Variants in ADAM17 observed in about 807,000 individuals in gnomAD.
ADAM17 encodes the protein disintegrin and metalloproteinase domain-containing protein 17.
ADAM17 carries 39 observed loss-of-function variants against 96.7 expected under a neutral mutation model. The observed-to-expected ratio is 0.40, with a 90% confidence interval of 0.31 to 0.53. The LOEUF is 0.53. Among genes scored for constraint, ADAM17 ranks in the 20% least tolerant of loss-of-function variants. The probability of loss-of-function intolerance (pLI) is 0.44; values close to 1 mark genes in which losing one functional copy is unlikely to be tolerated. For missense variants in ADAM17, 777 were observed against 1,013.2 expected, an observed-to-expected ratio of 0.77 and a Z score of 3.17; for synonymous variants, 344 against 359.2, an observed-to-expected ratio of 0.96 and a Z score of 0.48.
chr2:9,543,990 C>G (rs536796207), intron 1 of ADAM17, among the ~76,000 whole-genome samples: 1 of 152,276 alleles, frequency 6.6e-6, no homozygotes, highest in South Asian at 2.1e-4. Flanking sequence ...ATATTATACA[C>G]AGGTATCAAA....
intron 4 of ADAM17, among the ~76,000 whole-genome samples, chr2:9,532,290 C>T (rs998027766): frequency 6.6e-6 from 1 of 151,884 alleles, no homozygotes; most frequent in African/African-American, 2.4e-5. Context: ...TAGGGTGGTA[C>T]ATCTCATATG....
At chr2:9,524,468 C>T (rs1016083352) in intron 6 of ADAM17, among the ~76,000 whole-genome samples, 3 of 151,834 alleles carry the variant, frequency 2.0e-5, no homozygotes, top group African/African-American at 4.8e-5. Flanking sequence ...CCGGCCTGGG[C>T]GACAGAGCCT....
chr2:9,534,391 C>T (rs1450186026), intron 4 of ADAM17, among the ~76,000 whole-genome samples: 3 of 151,298 alleles, frequency 2.0e-5, no homozygotes, highest in Non-Finnish European at 2.9e-5. Context: ...AAAAATTAGC[C>T]GGACATCATG....
chr2:9,550,522 T>A (rs1665555781), intron 1 of ADAM17, among the ~76,000 whole-genome samples: 1 of 143,224 alleles, frequency 7.0e-6, no homozygotes, highest in Admixed American at 7.4e-5. Context: ...CTTGGCACAC[T>A]GCAACCTCTG....
intron 16 of ADAM17, 130 bp from the exon 17 acceptor site, chr2:9,493,116 G>A (rs1662295724): frequency 4.3e-6 from 3 of 705,840 alleles, no homozygotes; most frequent in Admixed American, 3.1e-5. Flanking sequence ...AGAGCAGAAT[G>A]TCTGTGCTGC....
chr2:9,512,144 T>C (rs1663778345), intron 10 of ADAM17, among the ~76,000 whole-genome samples: 1 of 151,922 alleles, frequency 6.6e-6, no homozygotes, highest in Non-Finnish European at 1.5e-5. Flanking sequence ...AAAACCGTAG[T>C]GGGAAAAAAA....
intron 1 of ADAM17, among the ~76,000 whole-genome samples, chr2:9,554,611 C>T (rs1182912778): frequency 3.3e-5 from 5 of 152,168 alleles, no homozygotes; most frequent in African/African-American, 9.7e-5. Flanking sequence ...ACTGGGAAAA[C>T]ATTATTTCAC....
rs754147588 is a variant in ADAM17, at chr2:9,517,949, A to G, written c.1143T>C (p.Asn381=). ...SPVGKKNIYL[N]SGLTSTKNYG... The stretch of plus-strand genomic sequence containing the variant: ...AATTCTTTGTGCTCGTCAAACCACT[A>G]TTCAAATAGATATTTTTCTTCCCAA... Residue 381 remains asparagine, a synonymous_variant, in exon 10 of 19, where the codon AAT becomes AAC. Coordinates refer to ENST00000310823, the MANE Select transcript of ADAM17 (RefSeq NM_003183.6). 6 of 1,604,814 alleles carry G rather than the reference A, an allele frequency of 3.7e-6. No individual in the cohort carries two copies. Among genetic ancestry groups the G allele is most frequent in the Admixed American group, 1.7e-5 (1 of 57,798 alleles).
intron 4 of ADAM17, 77 bp from the exon 5 acceptor site, chr2:9,528,031 G>T: frequency 2.0e-6 from 2 of 1,021,586 alleles, no homozygotes; most frequent in Non-Finnish European, 2.6e-6. Context: ...AACATTCTTT[G>T]CTTGTTCTTA....
chr2:9,538,016 A>AGGGAAGGGGAGGG (rs1553366532), intron 2 of ADAM17, among the ~76,000 whole-genome samples: 2 of 31,850 alleles, frequency 6.3e-5, no homozygotes, highest in African/African-American at 2.7e-4. Context: ...GGAGGGGAGG[A>AGGGAAGGGGAGGG]GAGGGGAGGG....
At chr2:9,529,835 G>A (rs890007924) in intron 4 of ADAM17, among the ~76,000 whole-genome samples, 2 of 151,992 alleles carry the variant, frequency 1.3e-5, no homozygotes, top group Non-Finnish European at 2.9e-5. Flanking sequence ...GCCGGGCATG[G>A]TGGTGGGCGC....
At chr2:9,491,709 C>T (rs1438111955) in intron 17 of ADAM17, among the ~76,000 whole-genome samples, 1 of 152,220 alleles carries the variant, frequency 6.6e-6, no homozygotes, top group East Asian at 1.9e-4. Context: ...TGCCCCATCC[C>T]TGCCTGTGGC....
chr2:9,514,545 AT>A (rs2125014217), intron 10 of ADAM17, among the ~76,000 whole-genome samples: 1 of 94,356 alleles, frequency 1.1e-5, no homozygotes, highest in African/African-American at 3.3e-5. Flanking sequence ...ATATATATAT[AT>A]ATATATATAT....
chr2:9,510,033 T>C lies in ADAM17; in HGVS notation c.1290A>G (p.Gly430=), dbSNP rs1370677361. ...CTATGGGATACATGACATATTTCCC[T>C]CCCTGGTCCTCATTCGGGGCACATT... is the stretch of plus-strand genomic sequence containing the variant. ...LAECAPNEDQ[G]GKYVMYPIAV... The change falls in exon 11 of 19, where the codon GGA becomes GGG. Residue 430 remains glycine, a synonymous_variant. Coordinates refer to ENST00000310823, the MANE Select transcript of ADAM17 (RefSeq NM_003183.6). 1.2e-6 allele frequency: 2 copies of C among 1,614,174 alleles called. No individual in the cohort carries two copies. Among genetic ancestry groups the C allele is most frequent in the Non-Finnish European group, 1.7e-6 (2 of 1,180,012 alleles).
At chr2:9,522,279 CAT>C (rs777678815) in intron 7 of ADAM17, 86 of 443,374 alleles carry the variant, frequency 1.9e-4, no homozygotes, top group Non-Finnish European at 3.2e-4. Context: ...CAGACATATA[CAT>C]ACACTATACC....
At chr2:9,526,436 T>C (rs1664533471) in intron 5 of ADAM17, among the ~76,000 whole-genome samples, 192 bp from the exon 6 acceptor site, 1 of 152,174 alleles carries the variant, frequency 6.6e-6, no homozygotes, top group South Asian at 2.1e-4. Context: ...GTTAAAACAC[T>C]GTAGAATTCA....
intron 12 of ADAM17, among the ~76,000 whole-genome samples, chr2:9,504,388 T>C (rs533963355): frequency 6.6e-6 from 1 of 152,160 alleles, no homozygotes; most frequent in South Asian, 2.1e-4. Flanking sequence ...GAGATTGCAG[T>C]GCGCTGAGAT....
intron 2 of ADAM17, among the ~76,000 whole-genome samples, chr2:9,537,148 T>C (rs1204464289): frequency 2.0e-5 from 3 of 152,222 alleles, no homozygotes; most frequent in African/African-American, 7.2e-5. Flanking sequence ...GTTGGAATCC[T>C]GATTATCTAA....
At chr2:9,546,607 C>A (rs1257770903) in intron 1 of ADAM17, among the ~76,000 whole-genome samples, 1 of 152,106 alleles carries the variant, frequency 6.6e-6, no homozygotes, top group African/African-American at 2.4e-5. Flanking sequence ...ATATCCAATT[C>A]TCTCAATAAA....
Sources: allele counts gnomAD v4.1 joint callset (sites outside exome capture counted in the v4.1 genomes callset), GRCh38; gene constraint gnomAD v4.1.1; transcripts MANE v1.5; gene names NCBI Gene and HGNC (gene_info 2026-07-23, HGNC 2026-07-21).